RGL1: variants seen among roughly 807,000 people sequenced by gnomAD.
RGL1 encodes the protein ral guanine nucleotide dissociation stimulator-like 1.
In RGL1, 24 loss-of-function variants were observed where a neutral mutation model predicts 95.2. The ratio of observed to expected loss-of-function variants is 0.25; its 90% CI spans 0.18 to 0.35. The LOEUF (loss-of-function observed/expected upper bound fraction) is 0.35, where lower values mean the gene tolerates loss of function less well. RGL1 is among the 10% of genes least tolerant of loss of function. RGL1 has a pLI of 1.00. For synonymous variants in RGL1, 329 were observed against 344.9 expected (o/e 0.95, Z 0.51); for missense variants, 715 against 936.3 (o/e 0.76, Z 3.08).
rs1650371428 is a variant in RGL1 at position 183,647,467 on chromosome 1, GA to G, written c.-33+10967del. On this transcript the variant is annotated intron_variant, in intron 1 of 18. Transcript: ENST00000304685. ...ATACTGCCACTTTCAAAATAAAGGA[GA>G]GAGATCAAGTTGCTTATGGAAACAT... The G allele has an allele frequency of 6.3e-6, 4 of 637,026 alleles. No individual in the cohort carries two copies. The South Asian group carries it at 1.9e-4, about 30-fold the overall frequency. 39.5% of individuals were successfully genotyped at this position (637,026 alleles called of 1,614,324 possible). A position where few individuals can be genotyped will look rare whatever the true frequency, so the allele number is the denominator to read the frequency against.
rs1156435835 is a variant in RGL1, at chr1:183,814,151, A to G, written c.138+7666A>G. Among the ~76,000 whole-genome samples the G allele has an allele frequency of 2.6e-5, 4 of 152,314 alleles. No individual in the cohort carries two copies. In the East Asian group the frequency reaches 7.7e-4, roughly 29 times the overall value. The stretch of plus-strand genomic sequence containing the variant: ...ACTAAAAGTAGAACAAGCTTACAAC[A>G]TTGGGTAGAAGACACCACCTTGTAG... On this transcript the variant is annotated intron_variant, in intron 2 of 17. Transcript: ENST00000360851.
intron 1 of RGL1, chr1:183,647,552 G>A (rs1174656): frequency 0.35 from 479,025 of 1,382,622 alleles, 86,299 homozygotes; most frequent in Non-Finnish European, 0.37. Flanking sequence ...AATAATTCAA[G>A]GTTTGCTTTT....
chr1:183,795,889 G>T (rs1572421080), intron 2 of RGL1, among the ~76,000 whole-genome samples: 2 of 152,152 alleles, frequency 1.3e-5, no homozygotes, highest in Admixed American at 1.3e-4. Context: ...TATGACGTTT[G>T]GCTTCAAGCT....
At chr1:183,700,816 T>C (rs1318129200) in intron 1 of RGL1, among the ~76,000 whole-genome samples, 1 of 152,144 alleles carries the variant, frequency 6.6e-6, no homozygotes, top group African/African-American at 2.4e-5. Context: ...AGTGCTGGGA[T>C]TACAGGCTTG....
intron 1 of RGL1, among the ~76,000 whole-genome samples, chr1:183,734,796 C>T (rs1482570623): frequency 6.6e-6 from 1 of 152,170 alleles, no homozygotes; most frequent in Non-Finnish European, 1.5e-5. Flanking sequence ...AAGGCAGTCC[C>T]CTGGAATTCC....
At chr1:183,925,879 G>A (rs1669586145) in intron 17 of RGL1, among the ~76,000 whole-genome samples, 1 of 152,100 alleles carries the variant, frequency 6.6e-6, no homozygotes, top group African/African-American at 2.4e-5. Context: ...TTAATTCATG[G>A]AGCGAATTTC....
intron 7 of RGL1, among the ~76,000 whole-genome samples, chr1:183,885,399 T>C (rs1667056522): frequency 6.6e-6 from 1 of 152,258 alleles, no homozygotes; most frequent in African/African-American, 2.4e-5. Flanking sequence ...CTGGTACTTC[T>C]TCAGAGTCCT....
At chr1:183,683,249 A>C (rs1653346404) in intron 1 of RGL1, among the ~76,000 whole-genome samples, 1 of 152,130 alleles carries the variant, frequency 6.6e-6, no homozygotes, top group Non-Finnish European at 1.5e-5. Flanking sequence ...TAGTTGATGC[A>C]GTTTCTTCAT....
At chr1:183,878,150 T>TTCTA (rs751622115) in intron 4 of RGL1, among the ~76,000 whole-genome samples, 17,367 of 111,538 alleles carry the variant, frequency 0.16, 1,069 homozygotes, top group East Asian at 0.21. Flanking sequence ...TTGATTTTCT[T>TTCTA]TCTATCTATC....
At chr1:183,677,979 A>G (rs963300834) in intron 1 of RGL1, among the ~76,000 whole-genome samples, 1 of 152,208 alleles carries the variant, frequency 6.6e-6, no homozygotes, top group African/African-American at 2.4e-5. Context: ...TGATAAAATT[A>G]TACTTCCATA....
chr1:183,827,190 T>G (rs1572466322), intron 2 of RGL1, among the ~76,000 whole-genome samples: 1 of 152,368 alleles, frequency 6.6e-6, no homozygotes, highest in South Asian at 2.1e-4. Flanking sequence ...CCCAAAGTGT[T>G]GGGATTACAG....
rs541191993 is a variant in RGL1, at chr1:183,676,193, C to G, written c.-33+39692C>G. On this transcript the variant is annotated intron_variant, in intron 1 of 18. Coordinates refer to the RGL1 transcript ENST00000304685. ...AAAAGGAGAAGAAGAACAAATAGAA[C>G]AGAATGAGAGTAGAACAAAATAGAA... Among the ~76,000 whole-genome samples, 6 of 152,128 alleles carry G rather than the reference C, an allele frequency of 3.9e-5. No individual in the cohort carries two copies. The South Asian group carries it at 1.2e-3, about 32-fold the overall frequency.
At chr1:183,752,786 A>G (rs1658106940) in intron 2 of RGL1, among the ~76,000 whole-genome samples, 1 of 150,900 alleles carries the variant, frequency 6.6e-6, no homozygotes, top group Non-Finnish European at 1.5e-5. Context: ...CTATAGAATT[A>G]TAGTTCTTTG....
intron 1 of RGL1, among the ~76,000 whole-genome samples, chr1:183,705,784 A>C (rs969663363): frequency 6.6e-6 from 1 of 152,226 alleles, no homozygotes; most frequent in Non-Finnish European, 1.5e-5. Flanking sequence ...CTAAGCAATA[A>C]GTTCCATCTG....
rs147823129 is a variant in RGL1 at position 183,890,087 on chromosome 1, C to T, written c.1055+1510C>T. 3.3e-5 allele frequency among the ~76,000 whole-genome samples: 5 copies of T among 152,236 alleles called. No individual in the cohort carries two copies. In the East Asian group the frequency reaches 9.6e-4, roughly 29 times the overall value. On this transcript the variant is annotated intron_variant, in intron 8 of 17. Transcript: ENST00000360851. Reference sequence around the variant, plus strand: ...AGTGTCCCCACCCTTCACACCTCCACTTCACCTCTTCTTTCCCTTACCACC... The same window carrying T: ...AGTGTCCCCACCCTTCACACCTCCATTTCACCTCTTCTTTCCCTTACCACC...
chr1:183,656,571 C>T (rs76744289), intron 1 of RGL1, among the ~76,000 whole-genome samples: 1,972 of 152,310 alleles, frequency 0.013, 51 homozygotes, highest in African/African-American at 0.046. Context: ...CTGTACCTCA[C>T]TTCCATTTTC....
At chr1:183,868,046 T>TAAG (rs1265441054) in intron 4 of RGL1, among the ~76,000 whole-genome samples, 1 of 152,228 alleles carries the variant, frequency 6.6e-6, no homozygotes, top group East Asian at 1.9e-4. Flanking sequence ...ACAATTCTTT[T>TAAG]GTTTTTAGAA....
intron 9 of RGL1, among the ~76,000 whole-genome samples, chr1:183,896,999 T>G (rs539450629): frequency 6.6e-6 from 1 of 152,318 alleles, no homozygotes; most frequent in East Asian, 1.9e-4. Flanking sequence ...GTGCAAAAGT[T>G]TCATTTAGCT....
At chr1:183,774,642 T>C (rs1292778847) in intron 2 of RGL1, among the ~76,000 whole-genome samples, 2 of 149,426 alleles carry the variant, frequency 1.3e-5, no homozygotes, top group East Asian at 2.0e-4. Context: ...ACTGGCATGA[T>C]CTCGGTTCAC....
Sources: gnomAD v4.1 joint callset for allele counts (sites outside exome capture counted in the v4.1 genomes callset) on GRCh38, gnomAD v4.1.1 for gene constraint, MANE v1.5 for transcripts, NCBI Gene and HGNC (gene_info 2026-07-23, HGNC 2026-07-21) for gene names.